AGXT2: variants seen among roughly 807,000 people sequenced by gnomAD.
The protein encoded by AGXT2 is alanine--glyoxylate aminotransferase 2, mitochondrial.
A neutral mutation model predicts 62.5 loss-of-function variants in AGXT2; 61 were observed. That is an observed-to-expected ratio of 0.98 (90% confidence interval 0.79 to 1.21). The LOEUF is 1.21. Among genes scored for constraint, AGXT2 ranks in the 50% most tolerant of loss-of-function variants. AGXT2 has a pLI of 0.00. For missense variants in AGXT2, 666 were observed against 641.5 expected (o/e 1.04, Z -0.41); for synonymous variants, 243 against 218.7 (o/e 1.11, Z -0.98).
At chr5:35,018,043 A>C (rs1260742118) in intron 9 of AGXT2, among the ~76,000 whole-genome samples, 1 of 152,178 alleles carries the variant, frequency 6.6e-6, no homozygotes, top group Non-Finnish European at 1.5e-5. Context: ...AAAAGAAACG[A>C]GCAAAGCCTC....
intron 9 of AGXT2, among the ~76,000 whole-genome samples, chr5:35,014,902 C>T (rs1766794804): frequency 6.6e-6 from 1 of 152,198 alleles, no homozygotes; most frequent in African/African-American, 2.4e-5. Flanking sequence ...TTAAACTGGT[C>T]ATCCTCTTCC....
At position 35,009,985 on chromosome 5, in the gene AGXT2, C is replaced by A. The variant is rs375641300; in HGVS notation, c.1338+15G>T. On this transcript the variant is annotated intron_variant, in intron 12 of 13. Coordinates refer to ENST00000231420, the MANE Select transcript of AGXT2 (RefSeq NM_031900.4). Reference sequence around the variant, plus strand: ...GCTCCAAGCAGCTGAGAGAGAGGGGCAGATTAGCACCTACCTTATCCTGCA... The same window carrying A: ...GCTCCAAGCAGCTGAGAGAGAGGGGAAGATTAGCACCTACCTTATCCTGCA... 2 of 1,614,006 alleles carry A rather than the reference C, an allele frequency of 1.2e-6. No individual in the cohort carries two copies. The highest frequency in any genetic ancestry group is 2.7e-5 in the African/African-American group (2 of 74,916).
intron 12 of AGXT2, among the ~76,000 whole-genome samples, chr5:35,009,496 T>C (rs1301445545): frequency 2.6e-5 from 4 of 152,076 alleles, no homozygotes; most frequent in African/African-American, 9.7e-5. Context: ...CCCGGGAGGC[T>C]GAGGCTCGAG....
chr5:35,008,862 A>C (rs1054880851), intron 12 of AGXT2, among the ~76,000 whole-genome samples: 2 of 152,192 alleles, frequency 1.3e-5, no homozygotes, highest in Admixed American at 6.5e-5. Context: ...TAGTCTGGCT[A>C]TTCCTCCCTA....
At chr5:35,013,709 G>A (rs1016960232) in intron 10 of AGXT2, among the ~76,000 whole-genome samples, 8 of 151,600 alleles carry the variant, frequency 5.3e-5, no homozygotes, top group Admixed American at 1.3e-4. Context: ...TTGCACCTGC[G>A]GAGGCAGAGG....
chr5:35,045,182 C>T (rs1430352911), intron 1 of AGXT2, among the ~76,000 whole-genome samples: 1 of 152,150 alleles, frequency 6.6e-6, no homozygotes, highest in Non-Finnish European at 1.5e-5. Context: ...AGTGATTGTG[C>T]ATATCAAAGT....
intron 13 of AGXT2, among the ~76,000 whole-genome samples, chr5:35,001,386 C>T (rs1395914922): frequency 1.3e-5 from 2 of 152,180 alleles, no homozygotes; most frequent in African/African-American, 4.8e-5. Flanking sequence ...CAGGTTCAAA[C>T]AGCCTCCTTG....
At chr5:35,041,214 TC>T (rs1356383180) in intron 1 of AGXT2, among the ~76,000 whole-genome samples, 2 of 9,112 alleles carry the variant, frequency 2.2e-4, no homozygotes, top group Non-Finnish European at 4.2e-4. Context: ...AGACAAAACC[TC>T]CCCCCGCCAA....
At chr5:35,029,391 A>G (rs1464355784) in intron 7 of AGXT2, among the ~76,000 whole-genome samples, 2 of 152,254 alleles carry the variant, frequency 1.3e-5, no homozygotes, top group African/African-American at 4.8e-5. Flanking sequence ...GCCTGAACCT[A>G]TGCTAGACCT....
chr5:35,012,242 T>C (rs1766671279), intron 11 of AGXT2, among the ~76,000 whole-genome samples: 1 of 151,050 alleles, frequency 6.6e-6, no homozygotes, highest in African/African-American at 2.4e-5. Flanking sequence ...TAAATAAATA[T>C]ATATACATAT....
intron 7 of AGXT2, among the ~76,000 whole-genome samples, chr5:35,028,666 C>T (rs1035455841): frequency 2.7e-5 from 4 of 147,790 alleles, no homozygotes; most frequent in African/African-American, 9.9e-5. Context: ...CAACTGTATC[C>T]ATACATGACT....
intron 5 of AGXT2, among the ~76,000 whole-genome samples, chr5:35,033,866 A>C (rs1415720356): frequency 6.6e-6 from 1 of 152,154 alleles, no homozygotes; most frequent in East Asian, 1.9e-4. Flanking sequence ...CATACCAGAA[A>C]TTGTATGTTC....
Position 35,025,799 on chromosome 5 carries a change from C to A in AGXT2, c.927G>T (p.Leu309=), listed in dbSNP as rs754601615. ...TGCACACGCCTCCCCTTGCTCGCAC[C>A]AGCTCAAAGGCTTCCTTTAGAAACC... The part of the protein sequence containing the change: ...PKGFLKEAFE[L]VRARGGVCIA... Residue 309 remains leucine, a synonymous_variant, in exon 9 of 14, where the codon CTG becomes CTT. Transcript: ENST00000231420. The A allele has an allele frequency of 2.5e-6, 4 of 1,614,042 alleles. No individual in the cohort carries two copies. The highest frequency in any genetic ancestry group is 3.4e-6 in the Non-Finnish European group (4 of 1,180,026).
In AGXT2 at chr5:34,998,217, T is replaced by C. The variant is rs941149931; in HGVS notation, c.*502A>G. On this transcript the variant is annotated 3_prime_UTR_variant, in exon 14 of 14. Transcript: ENST00000231420. The stretch of plus-strand genomic sequence containing the variant: ...ACTAAGCACTTGGCTTCCATCCATC[T>C]TCCAACCTCACCAAAAAGGGTTGTC... The C allele has an allele frequency of 5.8e-4, 103 of 176,728 alleles. No individual in the cohort carries two copies. The highest frequency in any genetic ancestry group is 2.3e-3 in the African/African-American group (98 of 41,936). 10.9% of individuals were successfully genotyped at this position (176,728 alleles called of 1,614,324 possible). A position where few individuals can be genotyped will look rare whatever the true frequency, so the allele number is the denominator to read the frequency against.
At chr5:35,007,734 C>T (rs1766483970) in intron 12 of AGXT2, among the ~76,000 whole-genome samples, 1 of 152,148 alleles carries the variant, frequency 6.6e-6, no homozygotes, top group African/African-American at 2.4e-5. Context: ...ATTTTATAAC[C>T]TTGCTATAGT....
At chr5:35,028,033 T>C (rs982698450) in intron 7 of AGXT2, among the ~76,000 whole-genome samples, 6 of 151,708 alleles carry the variant, frequency 4.0e-5, no homozygotes, top group African/African-American at 1.5e-4. Context: ...GGGGAGGGTT[T>C]CCTATAAGAT....
chr5:35,046,487 T>C (rs756214746), intron 1 of AGXT2, among the ~76,000 whole-genome samples: 14 of 152,224 alleles, frequency 9.2e-5, no homozygotes, highest in Admixed American at 2.0e-4. Flanking sequence ...CAGATAGACC[T>C]GGCTTTGAAT....
chr5:35,033,995 C>G (rs141551162), intron 5 of AGXT2, among the ~76,000 whole-genome samples: 30 of 152,226 alleles, frequency 2.0e-4, no homozygotes, highest in African/African-American at 7.0e-4. Context: ...TATTCTCCAT[C>G]TAAGAAACAC....
At position 35,025,869 on chromosome 5, in the gene AGXT2, GACC is replaced by G. The variant is rs755924491; in HGVS notation, c.871-17_871-15del. On this transcript the variant is annotated splice_polypyrimidine_tract_variant and intron_variant, in intron 8 of 13. Coordinates refer to ENST00000231420, the MANE Select transcript of AGXT2 (RefSeq NM_031900.4). ...TCCATTCACACCCTGCAAAAGACCA[GACC>G]AAGAAGACCTATAATAATAGCATCA... 1 of 1,607,258 alleles carries G rather than the reference GACC, an allele frequency of 6.2e-7. No individual in the cohort carries two copies. Among genetic ancestry groups the G allele is most frequent in the South Asian group, 1.1e-5 (1 of 90,932 alleles).
Sources: allele counts gnomAD v4.1 joint callset (sites outside exome capture counted in the v4.1 genomes callset), GRCh38; gene constraint gnomAD v4.1.1; transcripts MANE v1.5; gene names NCBI Gene and HGNC (gene_info 2026-07-23, HGNC 2026-07-21).